Variants in GLB1L3 observed in about 807,000 individuals in gnomAD.
GLB1L3 encodes beta-galactosidase-1-like protein 3.
GLB1L3 carries 89 observed loss-of-function variants against 89.5 expected under a neutral mutation model. That is an observed-to-expected ratio of 0.99 (90% CI 0.84 to 1.19). The LOEUF (loss-of-function observed/expected upper bound fraction) is 1.19, where lower values mean the gene tolerates loss of function less well. Ranked by LOEUF, GLB1L3 falls within the 50% of genes most tolerant of loss-of-function variation. GLB1L3 has a pLI of 0.00. For synonymous variants in GLB1L3, 314 were observed against 312.3 expected (o/e 1.01, Z -0.06); for missense variants, 812 against 813.3 (o/e 1.00, Z 0.02).
chr11:134,294,540 A>AC (rs998110425), intron 9 of GLB1L3, among the ~76,000 whole-genome samples: 1 of 152,078 alleles, frequency 6.6e-6, no homozygotes, highest in Non-Finnish European at 1.5e-5. Flanking sequence ...TCATTTGTAC[A>AC]CCATTAAATT....
intron 9 of GLB1L3, among the ~76,000 whole-genome samples, chr11:134,300,374 C>T (rs138815180): frequency 0.013 from 1,956 of 149,524 alleles, 126 homozygotes; most frequent in Admixed American, 0.11. Flanking sequence ...GCTCTGTCGC[C>T]CAGGCTAGAG....
chr11:134,293,261 C>T (rs1488256132), intron 9 of GLB1L3, 52 bp downstream of exon 9: 1 of 1,417,050 alleles, frequency 7.1e-7, no homozygotes, highest in Admixed American at 1.7e-5. Flanking sequence ...CCATGACCTC[C>T]CTTGCCTATG....
At chr11:134,312,915 C>T in intron 15 of GLB1L3, 28 bp downstream of exon 15, 2 of 1,410,342 alleles carry the variant, frequency 1.4e-6, no homozygotes, top group African/African-American at 1.4e-5. Context: ...CCAGGTGATG[C>T]CCTCGACCCC....
At position 134,276,515 on chromosome 11, in the gene GLB1L3, G is replaced by C; in HGVS notation, c.-226G>C. On this transcript the variant is annotated 5_prime_UTR_variant, in exon 1 of 20. Coordinates refer to ENST00000431683, the MANE Select transcript of GLB1L3 (RefSeq NM_001080407.3). The stretch of plus-strand genomic sequence containing the variant: ...GCACTGCGGGAACACCTGGAGCGCC[G>C]GCGGAGCTCGGCTGTCCCCGCGGGA... The C allele has an allele frequency of 1.0e-5, 4 of 384,212 alleles. No individual in the cohort carries two copies. The highest frequency in any genetic ancestry group is 1.8e-5 in the Non-Finnish European group (4 of 219,022). 23.8% of individuals were successfully genotyped at this position (384,212 alleles called of 1,614,324 possible).
chr11:134,315,313 CTG>C (rs1345158969), intron 18 of GLB1L3, among the ~76,000 whole-genome samples: 4 of 152,190 alleles, frequency 2.6e-5, no homozygotes, highest in African/African-American at 9.6e-5. Flanking sequence ...ATGTTCATAA[CTG>C]AGATCTCTTT....
At chr11:134,311,196 C>A in intron 13 of GLB1L3, 26 bp downstream of exon 13, 1 of 1,548,938 alleles carries the variant, frequency 6.5e-7, no homozygotes, top group Non-Finnish European at 8.9e-7. Flanking sequence ...CCACAGGAGG[C>A]GGAGTGGCCA....
chr11:134,294,560 T>C (rs1187046765), intron 9 of GLB1L3, among the ~76,000 whole-genome samples: 1 of 152,242 alleles, frequency 6.6e-6, no homozygotes, highest in East Asian at 1.9e-4. Context: ...TCACCCATTG[T>C]CATCATACAA....
chr11:134,297,862 A>AT (rs1941734081), intron 9 of GLB1L3, among the ~76,000 whole-genome samples: 1 of 118,766 alleles, frequency 8.4e-6, no homozygotes, highest in Non-Finnish European at 1.7e-5. Flanking sequence ...TCTGTCTCAA[A>AT]AAAAAAAAAA....
intron 15 of GLB1L3, among the ~76,000 whole-genome samples, chr11:134,313,157 T>TG (rs1259714992): frequency 6.6e-6 from 1 of 152,182 alleles, no homozygotes; most frequent in Non-Finnish European, 1.5e-5. Context: ...CTGTGCCTTT[T>TG]GGAGTTGGTT....
chr11:134,287,698 G>C (rs1301274693), intron 6 of GLB1L3, among the ~76,000 whole-genome samples: 1 of 152,246 alleles, frequency 6.6e-6, no homozygotes, highest in Non-Finnish European at 1.5e-5. Context: ...GGGTGTACCA[G>C]GCACAGCGGA....
intron 10 of GLB1L3, 54 bp downstream of exon 10, chr11:134,307,262 G>T: frequency 7.8e-7 from 1 of 1,281,118 alleles, no homozygotes; most frequent in East Asian, 2.3e-5. Context: ...GGTCCCATGA[G>T]AACTCATTCA....
intron 10 of GLB1L3, among the ~76,000 whole-genome samples, chr11:134,308,300 C>G (rs868084623): frequency 0.083 from 2,822 of 34,202 alleles, 484 homozygotes; most frequent in African/African-American, 0.16. Flanking sequence ...CCACCACCAC[C>G]ACCACCACCA....
At chr11:134,312,612 G>A (rs1942790192) in intron 14 of GLB1L3, 123 bp downstream of exon 14, 2 of 1,279,378 alleles carry the variant, frequency 1.6e-6, no homozygotes, top group African/African-American at 1.5e-5. Flanking sequence ...GAGGCATTGG[G>A]ACTAAAAAGT....
chr11:134,280,288 T>C (rs1392949226), intron 3 of GLB1L3, among the ~76,000 whole-genome samples: 4 of 152,182 alleles, frequency 2.6e-5, no homozygotes, highest in Admixed American at 2.6e-4. Context: ...TGAGATTTAC[T>C]TCGTGACATA....
chr11:134,290,244 C>T (rs1239814618), intron 7 of GLB1L3, among the ~76,000 whole-genome samples: 2 of 149,520 alleles, frequency 1.3e-5, no homozygotes, highest in Non-Finnish European at 3.0e-5. Context: ...ATTATTTAAT[C>T]GGTTGTGTTC....
At chr11:134,310,734 C>T in intron 12 of GLB1L3, 83 bp downstream of exon 12, 1 of 1,065,376 alleles carries the variant, frequency 9.4e-7, no homozygotes, top group Non-Finnish European at 1.4e-6. Context: ...AGGCGTGGGT[C>T]TCCCTTGTGG....
chr11:134,308,940 G>A (rs1942582338), intron 10 of GLB1L3, among the ~76,000 whole-genome samples: 1 of 152,172 alleles, frequency 6.6e-6, no homozygotes, highest in Non-Finnish European at 1.5e-5. Flanking sequence ...TCCCACTGTG[G>A]CCAGTGGAGA....
Position 134,313,439 on chromosome 11 carries a change from T to G in GLB1L3, c.1544T>G (p.Val515Gly). ...LRILVENQGR[V>G]NFSWQIQNEQ... ...ATCCTGGTGGAGAATCAAGGACGAG[T>G]CAATTTTTCATGGCAAATACAGAAT... The change falls in exon 16 of 20, where the codon GTC (valine) becomes GGC (glycine). Residue 515 changes from valine (V) to glycine (G), a missense_variant. Physicochemically the swap from Val to Gly is moderately radical, Grantham distance 109 (BLOSUM62 -3). Coordinates refer to ENST00000431683, the MANE Select transcript of GLB1L3 (RefSeq NM_001080407.3). 6.3e-7 allele frequency: 1 copy of G among 1,583,520 alleles called. No individual in the cohort carries two copies.
At chr11:134,283,929 A>G in intron 6 of GLB1L3, 84 bp downstream of exon 6, 1 of 769,742 alleles carries the variant, frequency 1.3e-6, no homozygotes, top group Non-Finnish European at 2.3e-6. Context: ...AAGAGGCCAC[A>G]TGCAGTCTCC....
Sources: gnomAD v4.1 joint callset for allele counts (sites outside exome capture counted in the v4.1 genomes callset) on GRCh38, gnomAD v4.1.1 for gene constraint, MANE v1.5 for transcripts, NCBI Gene and HGNC (gene_info 2026-07-23, HGNC 2026-07-21) for gene names.